The following PRRC2B variants were observed in gnomAD, a reference collection of about 807,000 sequenced individuals.
The protein encoded by PRRC2B is proline rich coiled-coil 2B.
PRRC2B carries 68 observed loss-of-function variants against 242.3 expected under a neutral mutation model. That is an observed-to-expected ratio of 0.28 (90% CI 0.23 to 0.34). The LOEUF (loss-of-function observed/expected upper bound fraction) is 0.34, where lower values mean the gene tolerates loss of function less well. Among genes scored for constraint, PRRC2B ranks in the 10% least tolerant of loss-of-function variants. The probability of loss-of-function intolerance (pLI) is 1.00; values close to 1 mark genes in which losing one functional copy is unlikely to be tolerated. For missense variants in PRRC2B, 2,835 were observed against 2,954.8 expected, an observed-to-expected ratio of 0.96 and a Z score of 0.94; for synonymous variants, 1,228 against 1,173.6, an observed-to-expected ratio of 1.05 and a Z score of -0.95.
intron 28 of PRRC2B, among the ~76,000 whole-genome samples, chr9:131,490,258 T>C (rs1944151117): frequency 6.7e-6 from 1 of 149,210 alleles, no homozygotes; most frequent in Non-Finnish European, 1.5e-5. Context: ...TCAGCAGGCC[T>C]GTCAGCTCTG....
chr9:131,488,150 T>A, intron 28 of PRRC2B, 54 bp downstream of exon 28: 47 of 1,546,976 alleles, frequency 3.0e-5, no homozygotes, highest in Non-Finnish European at 3.8e-5. Flanking sequence ...CTTCACGACC[T>A]TGCCTTTTCT....
intron 1 of PRRC2B, among the ~76,000 whole-genome samples, chr9:131,396,655 TTC>T (rs1183749544): frequency 6.6e-6 from 1 of 152,166 alleles, no homozygotes; most frequent in African/African-American, 2.4e-5. Context: ...TTTTTTCCTC[TTC>T]TCTTGGTTGA....
In PRRC2B at chr9:131,475,176, A is replaced by C; in HGVS notation, c.3047A>C (p.Glu1016Ala). The change falls in exon 16 of 32, where the codon GAG becomes GCG. Residue 1016 changes from glutamate to alanine, a missense_variant. By Grantham distance (107) the Glu-to-Ala change is moderately radical. This residue lies in a region of PRRC2B where 1,536 missense variants were observed against 1,483.1 expected (regional missense o/e 1.04). Transcript: ENST00000683519. ...CCTGGCCATGCCACTTTTGGCCGCG[A>C]GGCCACCAAATTTGAAGAGGAGGAG... ...KGPGHATFGREATKFEEEEKP... is the reference protein window; with the variant it reads ...KGPGHATFGRAATKFEEEEKP... 1 of 1,613,518 alleles carries C rather than the reference A, an allele frequency of 6.2e-7. No homozygotes were observed. Among genetic ancestry groups the C allele is most frequent in the East Asian group, 2.2e-5 (1 of 44,876 alleles).
intron 1 of PRRC2B, among the ~76,000 whole-genome samples, chr9:131,384,386 G>A (rs1162177885): frequency 2.0e-5 from 3 of 151,326 alleles, no homozygotes; most frequent in Non-Finnish European, 2.9e-5. Flanking sequence ...AGGTTCAAGT[G>A]ATTCTCCTGC....
rs189635209 is a variant in PRRC2B, at chr9:131,385,083, C to T, written c.-56+11352C>T. The stretch of plus-strand genomic sequence containing the variant: ...AGTGCAATGGTGTGATCTTGGCTGA[C>T]TATAACCTCTGCCTCCTGGGTTCAA... On this transcript the variant is annotated intron_variant, in intron 1 of 1. Transcript: ENST00000682525. Among the ~76,000 whole-genome samples the T allele has an allele frequency of 2.4e-3, 361 of 152,092 alleles. 2 individuals are homozygous for T. The highest frequency in any genetic ancestry group is 0.014 in the Middle Eastern group (4 of 292).
At position 131,487,750 on chromosome 9, in the gene PRRC2B, C is replaced by T. The variant is rs1944067845; in HGVS notation, c.5985-106C>T. 8.2e-6 allele frequency: 12 copies of T among 1,456,044 alleles called. 1 individual carries two copies. The South Asian group carries it at 1.1e-4, about 13-fold the overall frequency. 90.2% of individuals were successfully genotyped at this position (1,456,044 alleles called of 1,614,324 possible). A position where few individuals can be genotyped will look rare whatever the true frequency, so the allele number is the denominator to read the frequency against. On this transcript the variant is annotated intron_variant, in intron 27 of 31. Coordinates refer to ENST00000683519, the MANE Select transcript of PRRC2B (RefSeq NM_013318.4). The surrounding 1 kb of genome is among the most constrained non-coding windows in gnomAD (Gnocchi z 5.3). ...CTGAGTCGCGCTCTGGGGGTGGGGC[C>T]GGGGATCTGTGGTTTAGCAAGCTCT...
intron 1 of PRRC2B, among the ~76,000 whole-genome samples, chr9:131,374,327 TA>T (rs1170712565): frequency 1.3e-5 from 2 of 151,940 alleles, no homozygotes; most frequent in Non-Finnish European, 2.9e-5. Context: ...AATAAATAAA[TA>T]AATAAAAACT....
Position 131,483,349 on chromosome 9 carries a change from A to AT in PRRC2B, c.5374-4dup. The AT allele has an allele frequency of 6.2e-7, 1 of 1,613,048 alleles. No individual in the cohort carries two copies. Among genetic ancestry groups the AT allele is most frequent in the South Asian group, 1.1e-5 (1 of 91,046 alleles). On this transcript the variant is annotated splice_polypyrimidine_tract_variant and intron_variant, in intron 22 of 31. Coordinates refer to ENST00000683519, the MANE Select transcript of PRRC2B (RefSeq NM_013318.4). ...CTCAGTGGGCTGTGTGGCCTTTTTT[A>AT]TTTTTTCAGGACTCCGATTTCAGCT...
intron 28 of PRRC2B, chr9:131,490,468 G>A (rs143622976): frequency 9.8e-4 from 510 of 518,978 alleles, no homozygotes; most frequent in Non-Finnish European, 1.5e-3. Context: ...GGTGTTTTGC[G>A]GCTCTGGCCA....
In PRRC2B at chr9:131,446,392, A is replaced by G. The variant is rs1342026287; in HGVS notation, c.614-9A>G. On this transcript the variant is annotated splice_polypyrimidine_tract_variant and intron_variant, in intron 6 of 31. Transcript: ENST00000683519. This position sits in a 1 kb window ranked among gnomAD's most constrained non-coding sequence, Gnocchi z 4.1. ...TCCCTCTCCCCTTTTGCCCCCTTTC[A>G]ATTTCCAGATGTGACAAGCTGGAGG... is the stretch of plus-strand genomic sequence containing the variant. 1.2e-6 allele frequency: 2 copies of G among 1,612,692 alleles called. No homozygotes were observed. The highest frequency in any genetic ancestry group is 1.7e-6 in the Non-Finnish European group (2 of 1,179,588).
rs746169142 is a variant in PRRC2B at position 131,446,600 on chromosome 9, T to C, written c.813T>C (p.Asn271=). ...VRKGASQFMG[N]VYHPPTYHDM... is the part of the protein sequence containing the mutation. ...AAGGGGCTTCACAGTTCATGGGAAA[T>C]GTATACCACCCACCTACATACCATG... Residue 271 remains asparagine, a synonymous_variant, in exon 7 of 32, where the codon AAT becomes AAC. Coordinates refer to ENST00000683519, the MANE Select transcript of PRRC2B (RefSeq NM_013318.4). The surrounding 1 kb of genome is among the most constrained non-coding windows in gnomAD (Gnocchi z 4.1). 6 of 1,613,990 alleles carry C rather than the reference T, an allele frequency of 3.7e-6. No homozygotes were observed. In the South Asian group the frequency reaches 5.5e-5, roughly 15 times the overall value.
chr9:131,441,292 G>T (rs945704600), intron 5 of PRRC2B, among the ~76,000 whole-genome samples: 2 of 152,152 alleles, frequency 1.3e-5, no homozygotes, highest in African/African-American at 2.4e-5. Flanking sequence ...TGAGAGGAAG[G>T]CTTCTGTGTC....
chr9:131,422,846 A>G (rs1026874528), intron 1 of PRRC2B, among the ~76,000 whole-genome samples: 6 of 152,130 alleles, frequency 3.9e-5, no homozygotes, highest in African/African-American at 9.7e-5. Flanking sequence ...TTCTTTTTCA[A>G]TGTTCTTTTC....
At chr9:131,488,672 G>A (rs1944096665) in intron 28 of PRRC2B, among the ~76,000 whole-genome samples, 1 of 152,150 alleles carries the variant, frequency 6.6e-6, no homozygotes, top group South Asian at 2.1e-4. Context: ...GCAGTAGGGT[G>A]TGGAATGGGT....
intron 8 of PRRC2B, 96 bp downstream of exon 8, chr9:131,447,302 T>C: frequency 1.4e-6 from 2 of 1,472,852 alleles, no homozygotes; most frequent in East Asian, 2.3e-5. Flanking sequence ...CTGTGTCTCC[T>C]GGAGACCACA....
intron 1 of PRRC2B, among the ~76,000 whole-genome samples, chr9:131,415,903 CTG>C (rs2131302841): frequency 6.6e-6 from 1 of 152,222 alleles, no homozygotes; most frequent in South Asian, 2.1e-4. Context: ...TACTTCAACT[CTG>C]GGAACTATTT....
Position 131,396,379 on chromosome 9 carries a change from G to A in PRRC2B, c.-52+2116G>A, listed in dbSNP as rs564983084. ...CTCACTCTGTCGCCCAGGCTGGAGT[G>A]CAGTGATGTGATCTCAGCTCACTGC... is the stretch of plus-strand genomic sequence containing the variant. On this transcript the variant is annotated intron_variant, in intron 1 of 31. Coordinates refer to ENST00000683519, the MANE Select transcript of PRRC2B (RefSeq NM_013318.4). Among the ~76,000 whole-genome samples the A allele has an allele frequency of 2.1e-5, 3 of 143,128 alleles. No individual in the cohort carries two copies. In the South Asian group the frequency reaches 6.6e-4, roughly 31 times the overall value. The allele number at this position is 143,128 out of a possible 152,430, so 93.9% of individuals were successfully genotyped here.
rs1314051520 is a variant in PRRC2B, at chr9:131,487,837, A to G, written c.5985-19A>G. On this transcript the variant is annotated intron_variant, in intron 27 of 31. Transcript: ENST00000683519. This position sits in a 1 kb window ranked among gnomAD's most constrained non-coding sequence, Gnocchi z 5.3. ...TGGACTCATCCACCTGATCCCGACCATCTGTCTGGCTTTTGCAGATCTCAG... is the reference window on the plus strand; with the variant it reads ...TGGACTCATCCACCTGATCCCGACCGTCTGTCTGGCTTTTGCAGATCTCAG... 1 of 1,597,750 alleles carries G rather than the reference A, an allele frequency of 6.3e-7. No homozygotes were observed. The highest frequency in any genetic ancestry group is 2.3e-5 in the East Asian group (1 of 44,400).
chr9:131,448,570 A>AAAAAAAAAAAAAAAAAAAAAAAAAAAAG (rs1838902755), intron 9 of PRRC2B, among the ~76,000 whole-genome samples: 1 of 140,434 alleles, frequency 7.1e-6, no homozygotes, highest in African/African-American at 2.6e-5. Context: ...AAAAAAAAAA[A>AAAAAAAAAAAAAAAAAAAAAAAAAAAAG]GGAAAGAGAA....
Sources: allele counts gnomAD v4.1 joint callset (sites outside exome capture counted in the v4.1 genomes callset), GRCh38; gene constraint gnomAD v4.1.1; regional missense constraint gnomAD v4.1.1; non-coding constraint Gnocchi (gnomAD v3.1); transcripts MANE v1.5; gene names NCBI Gene and HGNC (gene_info 2026-07-23, HGNC 2026-07-21).